The following METTL15 variants were observed in gnomAD, a reference collection of about 807,000 sequenced individuals.
The protein encoded by METTL15 is 12S rRNA N(4)-cytidine methyltransferase METTL15.
In METTL15, 34 loss-of-function variants were observed where a neutral mutation model predicts 38.3. That is an observed-to-expected ratio of 0.89 (90% CI 0.68 to 1.18). The LOEUF (loss-of-function observed/expected upper bound fraction) is 1.18. METTL15 is among the 50% of genes most tolerant of loss of function. The pLI, the probability that METTL15 is intolerant of heterozygous loss-of-function variation, is 0.00. For synonymous variants in METTL15, 162 were observed against 170.9 expected, an observed-to-expected ratio of 0.95 and a Z score of 0.41; for missense variants, 438 against 498.4, an observed-to-expected ratio of 0.88 and a Z score of 1.15.
chr11:28,373,283 T>C (rs2133377152), intron 5 of METTL15, among the ~76,000 whole-genome samples: 1 of 152,218 alleles, frequency 6.6e-6, no homozygotes, highest in Middle Eastern at 3.4e-3. Context: ...CCAGCACCTG[T>C]TGTTTCCTGA....
At chr11:28,246,973 A>T (rs1196002609) in intron 4 of METTL15, among the ~76,000 whole-genome samples, 1 of 152,136 alleles carries the variant, frequency 6.6e-6, no homozygotes, top group Non-Finnish European at 1.5e-5. Context: ...TTAGCATATA[A>T]ATTGCCTCTT....
intron 6 of METTL15, among the ~76,000 whole-genome samples, chr11:28,302,946 T>C (rs1403451012): frequency 6.6e-6 from 1 of 152,104 alleles, no homozygotes; most frequent in East Asian, 1.9e-4. Flanking sequence ...AGAAAGAAAA[T>C]TTATGCACTT....
rs759197367 is a variant in METTL15 at position 28,521,015 on chromosome 11, CT to C, written c.*425-5450del. Among the ~76,000 whole-genome samples, 1,248 of 143,972 alleles carry C rather than the reference CT, an allele frequency of 8.7e-3. 1 individual carries two copies. The highest frequency in any genetic ancestry group is 0.012 in the African/African-American group (476 of 39,446). 94.5% of individuals were successfully genotyped at this position (143,972 alleles called of 152,430 possible). On this transcript the variant is annotated intron_variant and NMD_transcript_variant, in intron 6 of 7. Coordinates refer to the METTL15 transcript ENST00000532947. ...GCTGGTTTACAAAACTATCAAACTT[CT>C]TTTTTTTTTTTTAACTTCAGGAACT...
At chr11:28,173,453 G>A (rs891072525) in intron 3 of METTL15, among the ~76,000 whole-genome samples, 2 of 152,176 alleles carry the variant, frequency 1.3e-5, no homozygotes, top group African/African-American at 4.8e-5. Flanking sequence ...AGATTTCACA[G>A]CCTCCAGAAC....
rs923194915 is a variant in METTL15 at position 28,378,317 on chromosome 11, G to A, written c.*358+16281G>A. The stretch of plus-strand genomic sequence containing the variant: ...GCTAGCAATCAGCGATACTCCGTGG[G>A]GTAGGACCCTCTGAGCCAGGTGCGG... On this transcript the variant is annotated intron_variant and NMD_transcript_variant, in intron 5 of 7. Transcript: ENST00000532947. Among the ~76,000 whole-genome samples, 9 of 152,248 alleles carry A rather than the reference G, an allele frequency of 5.9e-5. 1 individual carries two copies. Among genetic ancestry groups the A allele is most frequent in the African/African-American group, 1.9e-4 (8 of 41,478 alleles).
At chr11:28,181,259 A>ATTTTTTTTTTTTTTTTTTTT (rs71449171) in intron 3 of METTL15, among the ~76,000 whole-genome samples, 6 of 133,796 alleles carry the variant, frequency 4.5e-5, no homozygotes, top group Admixed American at 8.2e-5. Flanking sequence ...TTAATTTTTA[A>ATTTTTTTTTTTTTTTTTTTT]TTTTTTTTTT....
At chr11:28,342,631 G>A (rs565175654) in intron 3 of METTL15, among the ~76,000 whole-genome samples, 2 of 152,124 alleles carry the variant, frequency 1.3e-5, no homozygotes, top group African/African-American at 2.4e-5. Flanking sequence ...AATGGAATCA[G>A]TTTGGGTTGG....
chr11:28,348,922 C>T (rs935498795), intron 3 of METTL15, among the ~76,000 whole-genome samples: 2 of 152,140 alleles, frequency 1.3e-5, no homozygotes, highest in African/African-American at 4.8e-5. Flanking sequence ...CCAGGCTCAT[C>T]ACATTCTCAG....
chr11:28,179,592 G>A (rs901896343), intron 3 of METTL15, among the ~76,000 whole-genome samples: 1 of 151,868 alleles, frequency 6.6e-6, no homozygotes, highest in South Asian at 2.1e-4. Context: ...TTGTTGATGG[G>A]ATTAGTAGTT....
intron 6 of METTL15, among the ~76,000 whole-genome samples, chr11:28,310,634 G>A (rs978298009): frequency 6.6e-6 from 1 of 151,862 alleles, no homozygotes; most frequent in Admixed American, 6.6e-5. Context: ...CTCCAGTTAC[G>A]GATACATTTG....
At chr11:28,257,168 A>T (rs901316378) in intron 4 of METTL15, among the ~76,000 whole-genome samples, 1 of 152,158 alleles carries the variant, frequency 6.6e-6, no homozygotes, top group Non-Finnish European at 1.5e-5. Flanking sequence ...CTATTCTAGG[A>T]TAAAATATTT....
At chr11:28,270,055 C>A (rs1425810364) in intron 4 of METTL15, among the ~76,000 whole-genome samples, 1 of 152,146 alleles carries the variant, frequency 6.6e-6, no homozygotes, top group African/African-American at 2.4e-5. Context: ...TTAATTCTCT[C>A]AAATTCCTGA....
intron 5 of METTL15, among the ~76,000 whole-genome samples, chr11:28,384,017 G>C (rs1734585873): frequency 6.6e-6 from 1 of 151,988 alleles, no homozygotes. Context: ...GTGTCCCTGT[G>C]TTCTCATTGT....
intron 3 of METTL15, among the ~76,000 whole-genome samples, chr11:28,202,701 T>C (rs1175256653): frequency 1.3e-5 from 2 of 152,066 alleles, no homozygotes; most frequent in African/African-American, 4.8e-5. Context: ...TTAACTAAAA[T>C]TTTTTCAAAA....
At chr11:28,351,527 T>C (rs547151772) in intron 3 of METTL15, among the ~76,000 whole-genome samples, 18 of 152,332 alleles carry the variant, frequency 1.2e-4, no homozygotes, top group East Asian at 9.6e-4. Flanking sequence ...CTCTACCTCA[T>C]TGGGAAGTCA....
chr11:28,297,315 G>T (rs1856776980), intron 6 of METTL15, among the ~76,000 whole-genome samples: 1 of 152,116 alleles, frequency 6.6e-6, no homozygotes, highest in Non-Finnish European at 1.5e-5. Context: ...ATAAGCACCT[G>T]TATAAGATCT....
intron 4 of METTL15, among the ~76,000 whole-genome samples, chr11:28,275,165 A>G (rs368947008): frequency 5.3e-5 from 8 of 151,692 alleles, no homozygotes; most frequent in African/African-American, 1.7e-4. Flanking sequence ...TAAAGGATCA[A>G]TGAAACAAAA....
rs77336502 is a variant in METTL15 at position 28,119,315 on chromosome 11, T to C, written c.270+5711T>C. On this transcript the variant is annotated intron_variant, in intron 3 of 6. Coordinates refer to ENST00000407364, the MANE Select transcript of METTL15 (RefSeq NM_001113528.2). ...AGTGCTTAGCACAAGGCCTGCCACA[T>C]GGTAGTTTTGTAATGATGTTTTAAG... is the stretch of plus-strand genomic sequence containing the variant. 7.5e-3 allele frequency among the ~76,000 whole-genome samples: 1,138 copies of C among 152,284 alleles called. 11 individuals carry two copies. The highest frequency in any genetic ancestry group is 0.013 in the Admixed American group (201 of 15,292).
chr11:28,218,623 C>T (rs916919149), intron 4 of METTL15, among the ~76,000 whole-genome samples: 9 of 152,074 alleles, frequency 5.9e-5, no homozygotes, highest in African/African-American at 2.2e-4. Context: ...GAGAGGGCGT[C>T]CGTGTCTTGT....
Sources: allele counts gnomAD v4.1 joint callset (sites outside exome capture counted in the v4.1 genomes callset), GRCh38; gene constraint gnomAD v4.1.1; transcripts MANE v1.5; gene names NCBI Gene and HGNC (gene_info 2026-07-23, HGNC 2026-07-21).